Variants in AIG1 observed in about 807,000 individuals in gnomAD.
AIG1 encodes the protein androgen induced 1, also known as androgen-induced gene 1 protein.
AIG1 carries 23 observed loss-of-function variants against 31.4 expected under a neutral mutation model. That is an observed-to-expected ratio of 0.73 (90% CI 0.53 to 1.04). The LOEUF (loss-of-function observed/expected upper bound fraction) is 1.04, where lower values mean the gene tolerates loss of function less well. Among genes scored for constraint, AIG1 ranks in the 50% least tolerant of loss-of-function variants. The probability of loss-of-function intolerance (pLI) is 0.00; values close to 1 mark genes in which losing one functional copy is unlikely to be tolerated. For missense variants in AIG1, 274 were observed against 295.0 expected (o/e 0.93, Z 0.52); for synonymous variants, 100 against 110.5 (o/e 0.90, Z 0.60).
intron 4 of AIG1, among the ~76,000 whole-genome samples, chr6:143,311,179 C>T (rs1480579640): frequency 2.6e-5 from 4 of 151,834 alleles, no homozygotes; most frequent in Non-Finnish European, 5.9e-5. Context: ...CTCTCATGAA[C>T]ATAGATGCAA....
At chr6:143,097,131 T>C (rs1779867894) in intron 1 of AIG1, among the ~76,000 whole-genome samples, 2 of 151,926 alleles carry the variant, frequency 1.3e-5, no homozygotes, top group African/African-American at 4.8e-5. Flanking sequence ...ACAGCAGACT[T>C]AAATTGTAAA....
At chr6:143,204,326 G>A (rs1250263273) in intron 3 of AIG1, among the ~76,000 whole-genome samples, 1 of 152,122 alleles carries the variant, frequency 6.6e-6, no homozygotes, top group Admixed American at 6.5e-5. Context: ...CTGGAAGTCT[G>A]TGCTCAGCTA....
intron 3 of AIG1, among the ~76,000 whole-genome samples, chr6:143,207,491 C>T (rs1325712245): frequency 1.3e-5 from 2 of 150,172 alleles, no homozygotes; most frequent in Admixed American, 1.3e-4. Context: ...AGCAAACTTT[C>T]AATTTAGATT....
Position 143,188,948 on chromosome 6 carries a change from C to G in AIG1, c.399+23765C>G, listed in dbSNP as rs764467277. On this transcript the variant is annotated intron_variant, in intron 3 of 5. Transcript: ENST00000357847. ...AAAAGCTCAAGCCTTCCAGACTCAT[C>G]ATTTTGTAGTTAAAAAAGTAAGCCA... 6.1e-5 allele frequency: 60 copies of G among 983,642 alleles called. No individual in the cohort carries two copies. The East Asian group carries it at 8.0e-4, about 13-fold the overall frequency. The allele number at this position is 983,642 out of a possible 1,614,324, so 60.9% of individuals were successfully genotyped here.
chr6:143,305,534 T>G (rs992507068), intron 4 of AIG1, among the ~76,000 whole-genome samples: 5 of 152,206 alleles, frequency 3.3e-5, no homozygotes, highest in Admixed American at 2.0e-4. Flanking sequence ...GTTGAGTGAT[T>G]TTGAGTGAGT....
At chr6:143,249,441 C>G (rs1794849791) in intron 3 of AIG1, among the ~76,000 whole-genome samples, 1 of 152,162 alleles carries the variant, frequency 6.6e-6, no homozygotes, top group African/African-American at 2.4e-5. Context: ...ATAAAACCAG[C>G]CAGGCACCTC....
At position 143,325,959 on chromosome 6, in the gene AIG1, A is replaced by G. The variant is rs567263468; in HGVS notation, c.516-7323A>G. ...ATGGCTGAATTCAAGCTACTGACCA[A>G]CCAGCTTGCAAACCACCTAAAGATT... On this transcript the variant is annotated intron_variant, in intron 4 of 5. Transcript: ENST00000357847. The surrounding 1 kb of genome is among the most constrained non-coding windows in gnomAD (Gnocchi z 4.3). Among the ~76,000 whole-genome samples the G allele has an allele frequency of 9.9e-5, 15 of 152,274 alleles. No individual in the cohort carries two copies. Among genetic ancestry groups the G allele is most frequent in the Non-Finnish European group, 1.5e-4 (10 of 68,028 alleles).
chr6:143,082,623 A>AT (rs1459057210), intron 1 of AIG1, among the ~76,000 whole-genome samples: 1 of 152,218 alleles, frequency 6.6e-6, no homozygotes, highest in Non-Finnish European at 1.5e-5. Flanking sequence ...ACTGCTTTAG[A>AT]TACTAAGACT....
chr6:143,075,148 T>G (rs1764098802), intron 1 of AIG1, among the ~76,000 whole-genome samples: 1 of 152,228 alleles, frequency 6.6e-6, no homozygotes, highest in South Asian at 2.1e-4. Flanking sequence ...ATAATCATAC[T>G]TCATTGCTGA....
rs1421776089 is a variant in AIG1 at position 143,187,606 on chromosome 6, T to C, written c.399+22423T>C. On this transcript the variant is annotated intron_variant, in intron 3 of 5. Coordinates refer to ENST00000357847, the MANE Select transcript of AIG1 (RefSeq NM_016108.4). ...GCAGGGAGAGAAGGCAATTAAAAGA[T>C]GTTGCGACCTTTCTTTCTGCAGCAT... is the stretch of plus-strand genomic sequence containing the variant. The C allele has an allele frequency of 2.0e-6, 3 of 1,536,140 alleles. No homozygotes were observed. The South Asian group carries it at 3.6e-5, about 18-fold the overall frequency.
intron 3 of AIG1, among the ~76,000 whole-genome samples, chr6:143,175,529 G>A (rs1194516311): frequency 6.6e-6 from 1 of 151,976 alleles, no homozygotes; most frequent in Non-Finnish European, 1.5e-5. Flanking sequence ...TGTCTTTGTT[G>A]AGTTGGGTTT....
At chr6:143,161,794 T>A (rs992825347) in intron 2 of AIG1, among the ~76,000 whole-genome samples, 2 of 152,084 alleles carry the variant, frequency 1.3e-5, no homozygotes, top group African/African-American at 4.8e-5. Context: ...AGAAGAGATT[T>A]TTCTCAACTT....
intron 3 of AIG1, among the ~76,000 whole-genome samples, chr6:143,240,831 C>T (rs946040381): frequency 1.3e-5 from 2 of 152,106 alleles, no homozygotes; most frequent in Non-Finnish European, 1.5e-5. Context: ...CTCTCAATTC[C>T]CGTACTTATC....
intron 3 of AIG1, among the ~76,000 whole-genome samples, chr6:143,245,268 A>G (rs1485891577): frequency 6.6e-6 from 1 of 152,206 alleles, no homozygotes; most frequent in Non-Finnish European, 1.5e-5. Flanking sequence ...GGTATTATTC[A>G]GTTTATTTCA....
chr6:143,327,608 G>A lies in AIG1; in HGVS notation c.516-5674G>A. On this transcript the variant is annotated intron_variant, in intron 4 of 5. Transcript: ENST00000357847. The surrounding 1 kb of genome is among the most constrained non-coding windows in gnomAD (Gnocchi z 5.3). ...CTATACTTCAGTTACCTATGTACCT[G>A]TTACCACTTTCAAAAATCTGCAGAT... is the stretch of plus-strand genomic sequence containing the variant. 6.2e-6 allele frequency: 2 copies of A among 323,220 alleles called. No homozygotes were observed. The highest frequency in any genetic ancestry group is 1.2e-5 in the Non-Finnish European group (2 of 171,764). 20.0% of individuals were successfully genotyped at this position (323,220 alleles called of 1,614,324 possible). A position where few individuals can be genotyped will look rare whatever the true frequency, so the allele number is the denominator to read the frequency against.
At chr6:143,114,881 C>T (rs1781608178) in intron 1 of AIG1, among the ~76,000 whole-genome samples, 1 of 152,188 alleles carries the variant, frequency 6.6e-6, no homozygotes, top group Admixed American at 6.5e-5. Flanking sequence ...TAGCTGGAGT[C>T]CTGGCTCGTG....
intron 4 of AIG1, among the ~76,000 whole-genome samples, chr6:143,309,931 A>G (rs1343178577): frequency 6.6e-6 from 1 of 151,998 alleles, no homozygotes; most frequent in African/African-American, 2.4e-5. Flanking sequence ...TGAAGGGATT[A>G]ATTCACCAAG....
At chr6:143,295,846 A>C (rs966777420) in intron 4 of AIG1, among the ~76,000 whole-genome samples, 2 of 152,184 alleles carry the variant, frequency 1.3e-5, no homozygotes, top group African/African-American at 4.8e-5. Context: ...ATCTAGAGCA[A>C]GAAAGAGAAT....
chr6:143,226,985 CTT>C (rs11431811), intron 3 of AIG1, among the ~76,000 whole-genome samples: 61 of 113,586 alleles, frequency 5.4e-4, no homozygotes, highest in African/African-American at 1.4e-3. Flanking sequence ...GAGTTTTTGT[CTT>C]TTTTTTTTTT....
Sources: gnomAD v4.1 joint callset for allele counts (sites outside exome capture counted in the v4.1 genomes callset) on GRCh38, gnomAD v4.1.1 for gene constraint, Gnocchi (gnomAD v3.1) non-coding constraint, MANE v1.5 for transcripts, NCBI Gene and HGNC (gene_info 2026-07-23, HGNC 2026-07-21) for gene names.